Variants in DIP2B observed in about 807,000 individuals in gnomAD.
DIP2B encodes the protein disco-interacting protein 2 homolog B.
Under a neutral mutation model 198.0 loss-of-function variants are expected in DIP2B, and 76 were observed. That is an observed-to-expected ratio of 0.38 (90% CI 0.32 to 0.46). DIP2B has a LOEUF of 0.46. DIP2B is among the 20% of genes least tolerant of loss of function. The probability of loss-of-function intolerance (pLI) is 0.99; values close to 1 mark genes in which losing one functional copy is unlikely to be tolerated. For missense variants in DIP2B, 1,559 were observed against 1,978.4 expected (o/e 0.79, Z 4.02); for synonymous variants, 701 against 739.1 (o/e 0.95, Z 0.84).
chr12:50,506,012 G>A (rs1339763501), intron 1 of DIP2B, among the ~76,000 whole-genome samples: 2 of 151,650 alleles, frequency 1.3e-5, no homozygotes, highest in Admixed American at 6.6e-5. Context: ...GGGACAGGGA[G>A]GGTTCGATTT....
At chr12:50,712,732 C>G (rs537807922) in intron 22 of DIP2B, among the ~76,000 whole-genome samples, 2 of 152,216 alleles carry the variant, frequency 1.3e-5, no homozygotes, top group Admixed American at 6.5e-5. Context: ...CATAGTGAAA[C>G]CCCGTCTCTA....
chr12:50,629,614 A>G (rs983932936), intron 2 of DIP2B, among the ~76,000 whole-genome samples: 1 of 152,182 alleles, frequency 6.6e-6, no homozygotes, highest in Non-Finnish European at 1.5e-5. Context: ...CCCCCGATCC[A>G]TAGATCCAAC....
In DIP2B at chr12:50,556,354, C is replaced by T. The variant is rs567956123; in HGVS notation, c.100+51114C>T. ...TGAGCCATAGTGCTGGGATTACAGGCGTAAGCCATCGAGCCCGGCCGACTC... is the reference window on the plus strand; with the variant it reads ...TGAGCCATAGTGCTGGGATTACAGGTGTAAGCCATCGAGCCCGGCCGACTC... On this transcript the variant is annotated intron_variant, in intron 1 of 37. Coordinates refer to ENST00000301180, the MANE Select transcript of DIP2B (RefSeq NM_173602.3). 1.4e-4 allele frequency among the ~76,000 whole-genome samples: 21 copies of T among 152,176 alleles called. No individual in the cohort carries two copies. The South Asian group carries it at 2.5e-3, about 18-fold the overall frequency.
chr12:50,590,450 A>G (rs1958809394), intron 1 of DIP2B, among the ~76,000 whole-genome samples: 1 of 151,722 alleles, frequency 6.6e-6, no homozygotes, highest in African/African-American at 2.4e-5. Flanking sequence ...GCTCACTGCA[A>G]CCTCCGCCTC....
rs1247643155 is a variant in DIP2B, at chr12:50,599,103, G to A, written c.101-26873G>A. Among the ~76,000 whole-genome samples the A allele has an allele frequency of 1.2e-4, 17 of 141,910 alleles. 1 individual carries two copies. Among genetic ancestry groups the A allele is most frequent in the Non-Finnish European group, 2.3e-4 (15 of 65,358 alleles). 93.1% of individuals were successfully genotyped at this position (141,910 alleles called of 152,430 possible). Reference sequence around the variant, plus strand: ...CCAGGAGTTCAAGACCAGCCTGGGCGACATGGCAAAACTCCATCTCTACCA... The same window carrying A: ...CCAGGAGTTCAAGACCAGCCTGGGCAACATGGCAAAACTCCATCTCTACCA... On this transcript the variant is annotated intron_variant, in intron 1 of 37. Transcript: ENST00000301180.
intron 1 of DIP2B, among the ~76,000 whole-genome samples, chr12:50,511,582 C>G (rs181942083): frequency 6.6e-6 from 1 of 152,012 alleles, no homozygotes; most frequent in East Asian, 1.9e-4. Flanking sequence ...CATGAGCCAC[C>G]AGGCCGGGCC....
At chr12:50,540,059 T>G (rs1383366106) in intron 1 of DIP2B, among the ~76,000 whole-genome samples, 2 of 75,726 alleles carry the variant, frequency 2.6e-5, no homozygotes, top group Non-Finnish European at 3.0e-5. Context: ...CTGTGTTTTT[T>G]TTTTTTTTTT....
At chr12:50,706,389 T>C (rs780390566) in intron 20 of DIP2B, 149 bp from the exon 21 acceptor site, 1 of 890,562 alleles carries the variant, frequency 1.1e-6, no homozygotes, top group Non-Finnish European at 1.7e-6. Flanking sequence ...GATGTCAAGA[T>C]GTGAAATGCT....
At chr12:50,662,308 A>G (rs1030469304) in intron 4 of DIP2B, among the ~76,000 whole-genome samples, 12 of 152,228 alleles carry the variant, frequency 7.9e-5, no homozygotes, top group Admixed American at 1.3e-4. Context: ...TGTGTTGTCA[A>G]ATAGAAGAGG....
At chr12:50,615,997 A>G (rs923775241) in intron 1 of DIP2B, among the ~76,000 whole-genome samples, 9 of 152,212 alleles carry the variant, frequency 5.9e-5, no homozygotes, top group Middle Eastern at 3.2e-3. Context: ...TACCTTTTGC[A>G]TTAGATGGAT....
At chr12:50,517,404 G>A (rs942491010) in intron 1 of DIP2B, among the ~76,000 whole-genome samples, 1 of 151,914 alleles carries the variant, frequency 6.6e-6, no homozygotes, top group Non-Finnish European at 1.5e-5. Context: ...ACTGAGTCTT[G>A]TTGTTTCTAC....
At chr12:50,645,992 T>C (rs1938343349) in intron 3 of DIP2B, among the ~76,000 whole-genome samples, 1 of 152,150 alleles carries the variant, frequency 6.6e-6, no homozygotes, top group Non-Finnish European at 1.5e-5. Flanking sequence ...TTTAGCTTTA[T>C]ATATGTTTAG....
At chr12:50,532,035 T>G (rs1373890576) in intron 1 of DIP2B, among the ~76,000 whole-genome samples, 1 of 152,084 alleles carries the variant, frequency 6.6e-6, no homozygotes, top group African/African-American at 2.4e-5. Context: ...TCTCCCTGAG[T>G]CAGCAAAGCT....
chr12:50,605,798 ATT>A (rs1958976034), intron 1 of DIP2B, among the ~76,000 whole-genome samples: 1 of 151,700 alleles, frequency 6.6e-6, no homozygotes, highest in Non-Finnish European at 1.5e-5. Context: ...CTCTTAATTT[ATT>A]TATTTCCTGC....
chr12:50,514,527 TG>T (rs1958047043), intron 1 of DIP2B, among the ~76,000 whole-genome samples: 1 of 152,202 alleles, frequency 6.6e-6, no homozygotes, highest in Admixed American at 6.5e-5. Context: ...TGTCCCTCCA[TG>T]TTCTTACTCT....
chr12:50,577,340 G>T (rs1301669073), intron 1 of DIP2B, among the ~76,000 whole-genome samples: 2 of 151,872 alleles, frequency 1.3e-5, no homozygotes, highest in Non-Finnish European at 2.9e-5. Flanking sequence ...GACCATCCGG[G>T]CTAACACAGT....
At chr12:50,543,771 A>G (rs1958348140) in intron 1 of DIP2B, among the ~76,000 whole-genome samples, 1 of 151,632 alleles carries the variant, frequency 6.6e-6, no homozygotes, top group Non-Finnish European at 1.5e-5. Context: ...TAATAATACA[A>G]ACATTAGCTG....
At chr12:50,700,723 C>T (rs1462964693) in intron 19 of DIP2B, among the ~76,000 whole-genome samples, 2 of 152,228 alleles carry the variant, frequency 1.3e-5, no homozygotes, top group Non-Finnish European at 2.9e-5. Context: ...GCCCAGCCTT[C>T]AAAAGCTGTG....
At chr12:50,579,350 C>T (rs577175940) in intron 1 of DIP2B, among the ~76,000 whole-genome samples, 92 of 151,792 alleles carry the variant, frequency 6.1e-4, no homozygotes, top group Non-Finnish European at 9.3e-4. Flanking sequence ...CAATGGCTCA[C>T]ACCTGTAATC....
Sources: gnomAD v4.1 joint callset for allele counts (sites outside exome capture counted in the v4.1 genomes callset) on GRCh38, gnomAD v4.1.1 for gene constraint, MANE v1.5 for transcripts, NCBI Gene and HGNC (gene_info 2026-07-23, HGNC 2026-07-21) for gene names.